The following NRXN3 variants were observed in gnomAD, a reference collection of about 807,000 sequenced individuals.
The protein encoded by NRXN3 is neurexin 3.
NRXN3 carries 32 observed loss-of-function variants against 137.6 expected under a neutral mutation model. The ratio of observed to expected loss-of-function variants is 0.23; its 90% CI spans 0.18 to 0.31. The LOEUF is 0.31. Ranked by LOEUF, NRXN3 falls within the 10% of genes least tolerant of loss-of-function variation. NRXN3 has a pLI of 1.00. For missense variants in NRXN3, 1,574 were observed against 2,062.5 expected, an observed-to-expected ratio of 0.76 and a Z score of 4.59; for synonymous variants, 798 against 784.5, an observed-to-expected ratio of 1.02 and a Z score of -0.29.
intron 4 of NRXN3, among the ~76,000 whole-genome samples, chr14:78,459,735 T>G (rs888755915): frequency 6.6e-6 from 1 of 152,212 alleles, no homozygotes; most frequent in African/African-American, 2.4e-5. Flanking sequence ...ACAAACTCAC[T>G]TTCTCGTACT....
intron 4 of NRXN3, among the ~76,000 whole-genome samples, chr14:78,605,312 C>A (rs2097240463): frequency 6.6e-6 from 1 of 152,174 alleles, no homozygotes; most frequent in South Asian, 2.1e-4. Context: ...TAAAGCACTT[C>A]CTGGAAGCTC....
In NRXN3 at chr14:78,480,663, G is replaced by A. The variant is rs545470277; in HGVS notation, c.758-164457G>A. 2.0e-5 allele frequency among the ~76,000 whole-genome samples: 3 copies of A among 152,016 alleles called. No individual in the cohort carries two copies. In the South Asian group the frequency reaches 6.2e-4, roughly 32 times the overall value. On this transcript the variant is annotated intron_variant, in intron 4 of 20. Transcript: ENST00000335750. Reference sequence around the variant, plus strand: ...CTAGGTATAAGTGTAGGCTAAAATGGCAATGTTCAGGATACATCCTTTAAG... The same window carrying A: ...CTAGGTATAAGTGTAGGCTAAAATGACAATGTTCAGGATACATCCTTTAAG...
At chr14:79,424,967 ACT>A (rs2095633203) in intron 15 of NRXN3, among the ~76,000 whole-genome samples, 1 of 152,220 alleles carries the variant, frequency 6.6e-6, no homozygotes, top group Non-Finnish European at 1.5e-5. Flanking sequence ...AAGCTGACTA[ACT>A]GTTCTTTATT....
At chr14:79,837,326 T>C (rs928573493) in intron 20 of NRXN3, among the ~76,000 whole-genome samples, 2 of 152,100 alleles carry the variant, frequency 1.3e-5, no homozygotes, top group East Asian at 1.9e-4. Context: ...CCATTTCATA[T>C]GTTTTACAGG....
At chr14:78,564,438 T>C (rs1174005652) in intron 4 of NRXN3, among the ~76,000 whole-genome samples, 1 of 152,192 alleles carries the variant, frequency 6.6e-6, no homozygotes, top group African/African-American at 2.4e-5. Flanking sequence ...ACCCATTACC[T>C]GTTTCTTCCT....
intron 10 of NRXN3, among the ~76,000 whole-genome samples, chr14:78,953,766 G>A (rs1002344308): frequency 4.0e-5 from 6 of 151,272 alleles, no homozygotes; most frequent in African/African-American, 1.5e-4. Flanking sequence ...TTTTTTTTGT[G>A]ATCAATATTT....
At chr14:78,603,438 C>A (rs891639285) in intron 4 of NRXN3, among the ~76,000 whole-genome samples, 2 of 152,118 alleles carry the variant, frequency 1.3e-5, no homozygotes, top group Admixed American at 1.3e-4. Context: ...TTTGACCGTG[C>A]CACTTGTGAA....
chr14:79,416,936 G>A (rs1002452266), intron 15 of NRXN3, among the ~76,000 whole-genome samples: 3 of 152,082 alleles, frequency 2.0e-5, no homozygotes, highest in African/African-American at 7.2e-5. Flanking sequence ...AAAAAGTATG[G>A]ATAACAACTT....
At chr14:78,303,483 A>G (rs2077068245) in intron 4 of NRXN3, among the ~76,000 whole-genome samples, 1 of 152,196 alleles carries the variant, frequency 6.6e-6, no homozygotes, top group Admixed American at 6.5e-5. Flanking sequence ...ATCTTCCTAA[A>G]AGTGAAAATA....
chr14:78,336,008 A>T (rs2081419814), intron 4 of NRXN3, among the ~76,000 whole-genome samples: 1 of 152,174 alleles, frequency 6.6e-6, no homozygotes, highest in Admixed American at 6.5e-5. Flanking sequence ...TGTGCTTTGG[A>T]GCTGTGGTCT....
At chr14:79,760,002 G>A (rs1265966772) in intron 19 of NRXN3, among the ~76,000 whole-genome samples, 1 of 151,558 alleles carries the variant, frequency 6.6e-6, no homozygotes, top group Non-Finnish European at 1.5e-5. Context: ...TAGAACTCAG[G>A]CAAGATGATT....
At chr14:79,233,361 A>G (rs184572965) in intron 15 of NRXN3, among the ~76,000 whole-genome samples, 28 of 152,272 alleles carry the variant, frequency 1.8e-4, no homozygotes, top group Non-Finnish European at 3.2e-4. Context: ...GTTCACTGGG[A>G]AAGTGCTGGT....
At chr14:79,308,713 A>T (rs1374798038) in intron 15 of NRXN3, among the ~76,000 whole-genome samples, 3 of 152,024 alleles carry the variant, frequency 2.0e-5, no homozygotes, top group African/African-American at 7.2e-5. Flanking sequence ...AACAAAATCA[A>T]AAGTGTCTCT....
At chr14:78,943,637 T>A (rs10148138) in intron 10 of NRXN3, among the ~76,000 whole-genome samples, 492 of 32,556 alleles carry the variant, frequency 0.015, 25 homozygotes, top group African/African-American at 0.15. Context: ...TATATATATA[T>A]ATATATATAT....
At chr14:79,319,062 T>C (rs2089475666) in intron 15 of NRXN3, among the ~76,000 whole-genome samples, 1 of 152,202 alleles carries the variant, frequency 6.6e-6, no homozygotes, top group African/African-American at 2.4e-5. Context: ...TGCCCATAAC[T>C]GCTTAAACAT....
At chr14:78,841,654 G>GT (rs981246238) in intron 10 of NRXN3, among the ~76,000 whole-genome samples, 1 of 151,768 alleles carries the variant, frequency 6.6e-6, no homozygotes, top group African/African-American at 2.4e-5. Flanking sequence ...CTAGTTCATT[G>GT]TTTTTTTGTT....
rs191755476 is a variant in NRXN3 at position 78,973,284 on chromosome 14, A to T, written c.3142+4938A>T. On this transcript the variant is annotated intron_variant, in intron 14 of 20. Transcript: ENST00000335750. ...CTTAATTTATTCACCATACATAGAA[A>T]AAAGAACTTGGAAGGAAAAAAAAGG... 2.1e-3 allele frequency among the ~76,000 whole-genome samples: 327 copies of T among 152,324 alleles called. 1 individual carries two copies. Among genetic ancestry groups the T allele is most frequent in the Non-Finnish European group, 3.5e-3 (239 of 68,032 alleles).
Position 79,433,033 on chromosome 14 carries a change from C to T in NRXN3, c.3263-34188C>T, listed in dbSNP as rs17109199. Reference sequence around the variant, plus strand: ...TTTCTTGTTACCTTTTGGTTTTCCCCGGCACCTAACAATGTAATCTTCACA... The same window carrying T: ...TTTCTTGTTACCTTTTGGTTTTCCCTGGCACCTAACAATGTAATCTTCACA... On this transcript the variant is annotated intron_variant, in intron 15 of 20. Transcript: ENST00000335750. Among the ~76,000 whole-genome samples the T allele has an allele frequency of 9.5e-3, 1,442 of 152,180 alleles. 33 individuals are homozygous for T. The East Asian group carries it at 0.11, about 11-fold the overall frequency.
chr14:79,166,088 A>G (rs979619487), intron 15 of NRXN3, among the ~76,000 whole-genome samples: 1 of 151,802 alleles, frequency 6.6e-6, no homozygotes, highest in African/African-American at 2.4e-5. Flanking sequence ...GTACTGGTTT[A>G]CTCCCTTTTT....
Sources: gnomAD v4.1 joint callset for allele counts (sites outside exome capture counted in the v4.1 genomes callset) on GRCh38, gnomAD v4.1.1 for gene constraint, MANE v1.5 for transcripts, NCBI Gene and HGNC (gene_info 2026-07-23, HGNC 2026-07-21) for gene names.